Variants in PDIA4 observed in about 807,000 individuals in gnomAD.
The protein encoded by PDIA4 is protein disulfide isomerase family A member 4, also known as protein disulfide-isomerase A4.
In PDIA4, 33 loss-of-function variants were observed where a neutral mutation model predicts 62.1. The ratio of observed to expected loss-of-function variants is 0.53; its 90% CI spans 0.40 to 0.71. The LOEUF is 0.71. PDIA4 is among the 30% of genes least tolerant of loss of function. The pLI is 0.00. For synonymous variants in PDIA4, 341 were observed against 324.1 expected (o/e 1.05, Z -0.56); for missense variants, 804 against 813.6 (o/e 0.99, Z 0.14).
chr7:149,026,107 G>A (rs1174131631), intron 1 of PDIA4, among the ~76,000 whole-genome samples: 1 of 151,716 alleles, frequency 6.6e-6, no homozygotes, highest in East Asian at 1.9e-4. Flanking sequence ...AAAAAGCCTC[G>A]AGACTTGAAA....
At chr7:149,016,008 AC>A (rs1248506029) in intron 3 of PDIA4, among the ~76,000 whole-genome samples, 1 of 152,232 alleles carries the variant, frequency 6.6e-6, no homozygotes, top group African/African-American at 2.4e-5. Context: ...GAAGTACTCA[AC>A]TTTTAGGCCA....
rs780947329 is a variant in PDIA4 at position 149,004,082 on chromosome 7, G to A, written c.1650C>T (p.Phe550=). The A allele has an allele frequency of 6.2e-6, 10 of 1,614,220 alleles. No homozygotes were observed. In the Admixed American group the frequency reaches 1.2e-4, roughly 19 times the overall value. The change falls in exon 10 of 10, where the codon TTC becomes TTT. Residue 550 remains phenylalanine, a synonymous_variant. Transcript: ENST00000652332. Reference sequence around the variant, plus strand: ...TGCAGTGCCCGCACCATGGCGCGTAGAACTCGATGAGGACGTCCTTCTTGG... The same window carrying A: ...TGCAGTGCCCGCACCATGGCGCGTAAAACTCGATGAGGACGTCCTTCTTGG... The part of the protein sequence containing the change: ...MDPKKDVLIE[F]YAPWCGHCKQ...
Position 149,006,000 on chromosome 7 carries a change from G to C in PDIA4, c.1185C>G (p.Pro395=). The C allele has an allele frequency of 6.5e-7, 1 of 1,549,758 alleles. No homozygotes were observed. Among genetic ancestry groups the C allele is most frequent in the African/African-American group, 1.4e-5 (1 of 70,264 alleles). ...IKDFVLKYAL[P]LVGHRKVSND... ...TTGACACCTTGCGGTGGCCAACCAG[G>C]GGCAGGGCGTACTTCAGCACGAAGT... Residue 395 remains proline (P), a synonymous_variant, in exon 8 of 10, where the codon CCC becomes CCG. Transcript: ENST00000652332.
At chr7:149,026,410 G>A (rs895667025) in intron 1 of PDIA4, among the ~76,000 whole-genome samples, 16 of 152,136 alleles carry the variant, frequency 1.1e-4, no homozygotes, top group Admixed American at 9.2e-4. Context: ...CAGCACTTTG[G>A]GAGGCCAAGT....
intron 4 of PDIA4, among the ~76,000 whole-genome samples, chr7:149,014,178 T>C (rs1445779792): frequency 6.6e-6 from 1 of 152,204 alleles, no homozygotes; most frequent in Non-Finnish European, 1.5e-5. Flanking sequence ...AAGGGTGTCC[T>C]GGTCCCAAAC....
In PDIA4 at chr7:149,011,875, T is replaced by A; in HGVS notation, c.950A>T (p.Asp317Val). The A allele has an allele frequency of 6.3e-7, 1 of 1,586,714 alleles. No individual in the cohort carries two copies. Among genetic ancestry groups the A allele is most frequent in the Non-Finnish European group, 8.6e-7 (1 of 1,165,778 alleles). Residue 317 changes from aspartate (D) to valine (V), a missense_variant, in exon 6 of 10, where the codon GAC (aspartate) becomes GTC (valine). Coordinates refer to ENST00000652332, the MANE Select transcript of PDIA4 (RefSeq NM_004911.5). ...ATCCTGGTATTGCTGGTAGGCTGGG[T>A]CACTCTCCCCCTTAAAGACCCCGAT... ...IIIGVFKGES[D>V]PAYQQYQDAA...
intron 9 of PDIA4, among the ~76,000 whole-genome samples, chr7:149,004,816 C>T (rs926465692): frequency 2.0e-5 from 3 of 152,202 alleles, no homozygotes; most frequent in Admixed American, 6.5e-5. Context: ...GTGCTAAGGC[C>T]GCTGAGTGAT....
intron 4 of PDIA4, 25 bp from the exon 5 acceptor site, chr7:149,012,385 A>G: frequency 6.3e-7 from 1 of 1,595,438 alleles, no homozygotes; most frequent in Non-Finnish European, 8.6e-7. Context: ...CTGGTTTGTC[A>G]GGGGCTCATT....
At chr7:149,025,635 A>T (rs1161082854) in intron 1 of PDIA4, among the ~76,000 whole-genome samples, 1 of 152,194 alleles carries the variant, frequency 6.6e-6, no homozygotes. Flanking sequence ...AAGATCACAA[A>T]GCTACTTAGC....
At chr7:149,009,613 G>C (rs1194910839) in intron 6 of PDIA4, among the ~76,000 whole-genome samples, 1 of 152,198 alleles carries the variant, frequency 6.6e-6, no homozygotes, top group South Asian at 2.1e-4. Context: ...CACGGTCTGA[G>C]GGCACCCTAC....
intron 1 of PDIA4, among the ~76,000 whole-genome samples, chr7:149,021,964 T>C (rs115965097): frequency 0.012 from 1,834 of 152,290 alleles, 34 homozygotes; most frequent in African/African-American, 0.042. Context: ...TTCAACGTTA[T>C]TGCTCACTGA....
intron 1 of PDIA4, among the ~76,000 whole-genome samples, chr7:149,023,192 A>G (rs923922688): frequency 2.6e-5 from 4 of 152,206 alleles, no homozygotes; most frequent in African/African-American, 9.6e-5. Context: ...TGTGTCTGAC[A>G]GTACAGGCAG....
Position 149,003,791 on chromosome 7 carries a change from C to A in PDIA4, c.*3G>T. 6.5e-7 allele frequency: 1 copy of A among 1,530,618 alleles called. No homozygotes were observed. The highest frequency in any genetic ancestry group is 8.8e-7 in the Non-Finnish European group (1 of 1,138,644). The allele number at this position is 1,530,618 out of a possible 1,614,324, so 94.8% of individuals were successfully genotyped here. ...CCTCCCACCTTCCGCAGACCTCAGG[C>A]CTTCAAAGCTCTTCCTTGGTCCTGC... On this transcript the variant is annotated 3_prime_UTR_variant, in exon 10 of 10. Coordinates refer to ENST00000652332, the MANE Select transcript of PDIA4 (RefSeq NM_004911.5).
rs149319177 is a variant in PDIA4, at chr7:149,005,035, G to A, written c.1522+106C>T. On this transcript the variant is annotated intron_variant, in intron 9 of 9. Transcript: ENST00000652332. Reference sequence around the variant, plus strand: ...GAGAGGACTGCTGGCTGACTTAAGGGGGTGTCGTGCCCGTGGCCAGAGCAC... The same window carrying A: ...GAGAGGACTGCTGGCTGACTTAAGGAGGTGTCGTGCCCGTGGCCAGAGCAC... The A allele has an allele frequency of 2.0e-4, 165 of 810,332 alleles. No homozygotes were observed. In the East Asian group the frequency reaches 3.7e-3, roughly 18 times the overall value. The allele number at this position is 810,332 out of a possible 1,614,324, so 50.2% of individuals were successfully genotyped here.
At chr7:149,007,798 G>A (rs1039802608) in intron 7 of PDIA4, among the ~76,000 whole-genome samples, 5 of 152,278 alleles carry the variant, frequency 3.3e-5, no homozygotes, top group African/African-American at 4.8e-5. Context: ...TGGCCTCAAC[G>A]GAGCACCATG....
chr7:149,005,117 C>T (rs1823698474), intron 9 of PDIA4, 24 bp downstream of exon 9: 7 of 1,570,774 alleles, frequency 4.5e-6, no homozygotes, highest in East Asian at 4.5e-5. Flanking sequence ...TGATGGGAGA[C>T]CCCAGCCCCA....
chr7:149,014,974 A>G lies in PDIA4; in HGVS notation c.544T>C (p.Leu182=). 1 of 1,614,148 alleles carries G rather than the reference A, an allele frequency of 6.2e-7. No individual in the cohort carries two copies. Among genetic ancestry groups the G allele is most frequent in the Non-Finnish European group, 8.5e-7 (1 of 1,179,976 alleles). Residue 182 remains leucine (L), a synonymous_variant, in exon 4 of 10, where the codon TTG becomes CTG. Coordinates refer to ENST00000652332, the MANE Select transcript of PDIA4 (RefSeq NM_004911.5). ...WTPPPEVTLV[L]TKENFDEVVN... The stretch of plus-strand genomic sequence containing the variant: ...ACTTCATCAAAGTTCTCTTTGGTCA[A>G]CACAAGCGTGACTTCTGGTGGAGGC...
chr7:149,016,106 C>T (rs1475151163), intron 3 of PDIA4, among the ~76,000 whole-genome samples: 1 of 152,158 alleles, frequency 6.6e-6, no homozygotes, highest in Non-Finnish European at 1.5e-5. Context: ...ACCAGCCTGG[C>T]CAACATGGTG....
At chr7:149,008,767 G>A (rs1280568510) in intron 6 of PDIA4, among the ~76,000 whole-genome samples, 2 of 151,886 alleles carry the variant, frequency 1.3e-5, no homozygotes, top group African/African-American at 4.8e-5. Flanking sequence ...AAAATTGTGT[G>A]GACAATTCCT....
Sources: gnomAD v4.1 joint callset for allele counts (sites outside exome capture counted in the v4.1 genomes callset) on GRCh38, gnomAD v4.1.1 for gene constraint, MANE v1.5 for transcripts, NCBI Gene and HGNC (gene_info 2026-07-23, HGNC 2026-07-21) for gene names.